Variants in CD8B observed in about 807,000 individuals in gnomAD.
CD8B encodes T-cell surface glycoprotein CD8 beta chain.
A neutral mutation model predicts 24.2 loss-of-function variants in CD8B; 6 were observed. The observed-to-expected ratio is 0.25, with a 90% confidence interval of 0.14 to 0.49. The LOEUF (loss-of-function observed/expected upper bound fraction) is 0.49, where lower values mean the gene tolerates loss of function less well. Ranked by LOEUF, CD8B falls within the 20% of genes least tolerant of loss-of-function variation. CD8B has a pLI of 0.98. For synonymous variants in CD8B, 84 were observed against 108.3 expected (o/e 0.78, Z 1.39); for missense variants, 196 against 271.3 (o/e 0.72, Z 1.95).
chr2:86,818,441 A>T (rs1004767477), intron 5 of CD8B, among the ~76,000 whole-genome samples: 1 of 152,192 alleles, frequency 6.6e-6, no homozygotes, highest in African/African-American at 2.4e-5. Context: ...TTTCAATAGC[A>T]TGTGTTGACT....
chr2:86,842,137 G>A lies in CD8B; in HGVS notation c.*170C>T. 6.9e-7 allele frequency: 1 copy of A among 1,450,886 alleles called. No individual in the cohort carries two copies. Among genetic ancestry groups the A allele is most frequent in the Non-Finnish European group, 9.1e-7 (1 of 1,100,534 alleles). 89.9% of individuals were successfully genotyped at this position (1,450,886 alleles called of 1,614,324 possible). A position where few individuals can be genotyped will look rare whatever the true frequency, so the allele number is the denominator to read the frequency against. ...ATTCCCGATGACCCACGAACAAGTTGCTCCCATGCACATCACACACAGAAA... is the reference window on the plus strand; with the variant it reads ...ATTCCCGATGACCCACGAACAAGTTACTCCCATGCACATCACACACAGAAA... On this transcript the variant is annotated 3_prime_UTR_variant, in exon 6 of 6. Transcript: ENST00000390655.
intron 3 of CD8B, among the ~76,000 whole-genome samples, chr2:86,852,412 C>G (rs1411925268): frequency 6.6e-6 from 1 of 151,954 alleles, no homozygotes; most frequent in Non-Finnish European, 1.5e-5. Context: ...GTTGTGCAAC[C>G]ATTATCATAA....
intron 5 of CD8B, chr2:86,833,165 C>T (rs1444361524): frequency 4.4e-6 from 1 of 224,744 alleles, no homozygotes; most frequent in Non-Finnish European, 9.2e-6. Flanking sequence ...CTTAATAGTA[C>T]ACTCTGGCAG....
chr2:86,824,873 C>T (rs1674617035), intron 5 of CD8B, among the ~76,000 whole-genome samples: 1 of 152,198 alleles, frequency 6.6e-6, no homozygotes, highest in Admixed American at 6.5e-5. Flanking sequence ...GGTTTGAATA[C>T]TTGTATACCA....
chr2:86,855,708 C>T (rs1676203075), intron 2 of CD8B, among the ~76,000 whole-genome samples: 1 of 152,218 alleles, frequency 6.6e-6, no homozygotes, highest in Non-Finnish European at 1.5e-5. Flanking sequence ...GGAGTGTTGC[C>T]TCCTTCAATC....
intron 5 of CD8B, among the ~76,000 whole-genome samples, chr2:86,823,955 G>T (rs1022816111): frequency 2.6e-5 from 4 of 151,954 alleles, no homozygotes; most frequent in Non-Finnish European, 4.4e-5. Flanking sequence ...GAGAGGAGGG[G>T]CACAGAGCTG....
At chr2:86,834,212 T>C (rs1276392866), downstream of CD8B, among the ~76,000 whole-genome samples, 2 of 152,154 alleles carry the variant, frequency 1.3e-5, no homozygotes, top group Non-Finnish European at 2.9e-5. Flanking sequence ...CCACCTGTTT[T>C]CCACAAAGCT....
intron 5 of CD8B, among the ~76,000 whole-genome samples, chr2:86,842,974 C>A (rs1165456856): frequency 6.6e-6 from 1 of 152,080 alleles, no homozygotes; most frequent in Non-Finnish European, 1.5e-5. Context: ...CCAAAACTGG[C>A]ATCAGATCAC....
chr2:86,851,533 A>G lies in CD8B; in HGVS notation c.493+1464T>C, dbSNP rs187551223. Among the ~76,000 whole-genome samples, 217 of 152,244 alleles carry G rather than the reference A, an allele frequency of 1.4e-3. 2 individuals are homozygous for G. Among genetic ancestry groups the G allele is most frequent in the African/African-American group, 5.0e-3 (207 of 41,534 alleles). On this transcript the variant is annotated intron_variant, in intron 3 of 5. Transcript: ENST00000390655. ...TCCTTAAGACTTTACTCTTCTGTAC[A>G]TTGGTTCTGATTTTCTTTTTACTGT...
At chr2:86,829,750 T>C (rs1027234772) in intron 5 of CD8B, among the ~76,000 whole-genome samples, 7 of 152,238 alleles carry the variant, frequency 4.6e-5, no homozygotes, top group Non-Finnish European at 1.0e-4. Flanking sequence ...TCTGGCAATG[T>C]ATTTTCTAAT....
At chr2:86,834,978 A>C (rs1022559742), downstream of CD8B, among the ~76,000 whole-genome samples, 33 of 146,320 alleles carry the variant, frequency 2.3e-4, no homozygotes, top group African/African-American at 7.8e-4. Context: ...GTTCCCCTGC[A>C]CCCGCCCCAC....
At chr2:86,837,362 G>A (rs887037346), downstream of CD8B, among the ~76,000 whole-genome samples, 7 of 152,140 alleles carry the variant, frequency 4.6e-5, no homozygotes, top group African/African-American at 9.7e-5. Flanking sequence ...CACACGTGTC[G>A]TGCATATTTC....
chr2:86,827,749 C>G (rs1247956499), intron 5 of CD8B, among the ~76,000 whole-genome samples: 1 of 152,136 alleles, frequency 6.6e-6, no homozygotes, highest in Non-Finnish European at 1.5e-5. Flanking sequence ...AGATCTACAG[C>G]TCTGGACTAA....
chr2:86,855,180 C>A lies in CD8B; in HGVS notation c.404-2094G>T, dbSNP rs1284518897. Among the ~76,000 whole-genome samples, 3 of 152,202 alleles carry A rather than the reference C, an allele frequency of 2.0e-5. No homozygotes were observed. The East Asian group carries it at 5.8e-4, about 29-fold the overall frequency. On this transcript the variant is annotated intron_variant, in intron 2 of 5. Transcript: ENST00000390655. ...AGGCAGGGGAAGCCCACAGATCAGT[C>A]ATTTTTGGGCTGGCATCTTCTATAT...
At chr2:86,854,995 C>A (rs1371452144) in intron 2 of CD8B, among the ~76,000 whole-genome samples, 3 of 152,026 alleles carry the variant, frequency 2.0e-5, no homozygotes, top group Non-Finnish European at 4.4e-5. Flanking sequence ...GTGGCACGTG[C>A]CTGTAATCCC....
downstream of CD8B, among the ~76,000 whole-genome samples, chr2:86,837,356 C>T (rs1558754185): frequency 6.6e-6 from 1 of 152,162 alleles, no homozygotes; most frequent in Admixed American, 6.5e-5. Flanking sequence ...AGGAATCACA[C>T]GTGTCGTGCA....
downstream of CD8B, among the ~76,000 whole-genome samples, chr2:86,837,973 A>G (rs567455263): frequency 5.5e-4 from 83 of 152,286 alleles, no homozygotes; most frequent in Non-Finnish European, 1.0e-3. Flanking sequence ...ACTTCCAGAC[A>G]AGTAAATGCA....
In CD8B at chr2:86,853,139, T is replaced by G. The variant is rs1676059491; in HGVS notation, c.404-53A>C. The G allele has an allele frequency of 1.6e-5, 25 of 1,548,206 alleles. No individual in the cohort carries two copies. In the South Asian group the frequency reaches 3.0e-4, roughly 18 times the overall value. On this transcript the variant is annotated intron_variant, in intron 2 of 5. Coordinates refer to ENST00000390655, the MANE Select transcript of CD8B (RefSeq NM_004931.5). ...TTAGCCAAGTGAACACCACGTGGACTCAAAGACAAAACTTTGTCTTATGGC... is the reference window on the plus strand; with the variant it reads ...TTAGCCAAGTGAACACCACGTGGACGCAAAGACAAAACTTTGTCTTATGGC...
rs1415048682 is a variant in CD8B at position 86,846,667 on chromosome 2, A to T, written c.583+17T>A. 2.0e-6 allele frequency: 3 copies of T among 1,484,658 alleles called. No homozygotes were observed. Among genetic ancestry groups the T allele is most frequent in the Non-Finnish European group, 2.8e-6 (3 of 1,088,090 alleles). The allele number at this position is 1,484,658 out of a possible 1,614,324, so 92.0% of individuals were successfully genotyped here. A position where few individuals can be genotyped will look rare whatever the true frequency, so the allele number is the denominator to read the frequency against. ...AGCAAACAGGGACACCCAACAACCC[A>T]AGAGGAGACAACTCACAGCACAGGT... On this transcript the variant is annotated intron_variant, in intron 4 of 5. Coordinates refer to ENST00000390655, the MANE Select transcript of CD8B (RefSeq NM_004931.5).
Sources: allele counts gnomAD v4.1 joint callset (sites outside exome capture counted in the v4.1 genomes callset), GRCh38; gene constraint gnomAD v4.1.1; transcripts MANE v1.5; gene names NCBI Gene and HGNC (gene_info 2026-07-23, HGNC 2026-07-21).